The following ELOVL6 variants were observed in gnomAD, a reference collection of about 807,000 sequenced individuals.
ELOVL6 encodes very long chain fatty acid elongase 6.
A neutral mutation model predicts 31.7 loss-of-function variants in ELOVL6; 8 were observed. The observed-to-expected ratio is 0.25, with a 90% CI of 0.15 to 0.45. The LOEUF is 0.45. Among genes scored for constraint, ELOVL6 ranks in the 20% least tolerant of loss-of-function variants. ELOVL6 has a pLI of 1.00. For synonymous variants in ELOVL6, 101 were observed against 117.7 expected (o/e 0.86, Z 0.92); for missense variants, 126 against 326.4 (o/e 0.39, Z 4.73).
intron 2 of ELOVL6, among the ~76,000 whole-genome samples, chr4:110,083,517 T>C (rs1755948829): frequency 6.6e-6 from 1 of 151,610 alleles, no homozygotes. Context: ...CTACAGCTTA[T>C]AGGGCCTTTG....
intron 2 of ELOVL6, among the ~76,000 whole-genome samples, chr4:110,068,644 T>G (rs1755373549): frequency 6.6e-6 from 1 of 152,244 alleles, no homozygotes; most frequent in Non-Finnish European, 1.5e-5. Flanking sequence ...TCTGAACGTT[T>G]CTTAGATAAT....
At chr4:110,123,714 G>C (rs1296805042) in intron 1 of ELOVL6, among the ~76,000 whole-genome samples, 1 of 152,116 alleles carries the variant, frequency 6.6e-6, no homozygotes, top group Non-Finnish European at 1.5e-5. Flanking sequence ...GAATAGCCAA[G>C]GCAAGAACTA....
intron 1 of ELOVL6, among the ~76,000 whole-genome samples, chr4:110,196,469 GTGCATCCAGAGAA>G (rs960329455): frequency 1.1e-4 from 16 of 152,194 alleles, no homozygotes; most frequent in Middle Eastern, 3.2e-3. Context: ...GGAGGAGGAA[GTGCATCCAGAGAA>G]GGACCCCGGG....
Position 110,097,422 on chromosome 4 carries a change from A to G in ELOVL6, c.221+8075T>C, listed in dbSNP as rs552847550. ...TGTCCTTCATCAAGGAAAGAAGCCAACTCCGGCAGTGCTAAGTAAATGGAA... is the reference window on the plus strand; with the variant it reads ...TGTCCTTCATCAAGGAAAGAAGCCAGCTCCGGCAGTGCTAAGTAAATGGAA... On this transcript the variant is annotated intron_variant, in intron 2 of 3. Transcript: ENST00000302274. Among the ~76,000 whole-genome samples, 3 of 152,058 alleles carry G rather than the reference A, an allele frequency of 2.0e-5. No individual in the cohort carries two copies. The South Asian group carries it at 6.3e-4, about 32-fold the overall frequency.
intron 1 of ELOVL6, among the ~76,000 whole-genome samples, chr4:110,169,728 G>C (rs1468413705): frequency 6.6e-6 from 1 of 151,056 alleles, no homozygotes; most frequent in African/African-American, 2.4e-5. Flanking sequence ...AAAAATTTTT[G>C]ATCTAATTTT....
rs1411667699 is a variant in ELOVL6, at chr4:110,084,553, C to G, written c.221+20944G>C. On this transcript the variant is annotated intron_variant, in intron 2 of 3. Coordinates refer to ENST00000302274, the MANE Select transcript of ELOVL6 (RefSeq NM_024090.3). ...ACTTACACACACACACACACACACA[C>G]ACACACACAGATATATATATATATA... 8.8e-3 allele frequency among the ~76,000 whole-genome samples: 501 copies of G among 57,212 alleles called. 11 individuals carry two copies. Among genetic ancestry groups the G allele is most frequent in the East Asian group, 0.024 (32 of 1,320 alleles). The allele number at this position is 57,212 out of a possible 152,430, so 37.5% of individuals were successfully genotyped here.
At chr4:110,148,125 A>AG (rs1472446552) in intron 1 of ELOVL6, among the ~76,000 whole-genome samples, 14 of 151,560 alleles carry the variant, frequency 9.2e-5, no homozygotes, top group Admixed American at 6.6e-4. Flanking sequence ...AAAAAAAAAA[A>AG]AAAAGCCAAA....
intron 2 of ELOVL6, among the ~76,000 whole-genome samples, chr4:110,070,342 T>C (rs998296807): frequency 6.6e-6 from 1 of 152,218 alleles, no homozygotes; most frequent in African/African-American, 2.4e-5. Flanking sequence ...CTGGAATACA[T>C]GTATTCACAG....
intron 1 of ELOVL6, among the ~76,000 whole-genome samples, chr4:110,183,458 G>A (rs943841547): frequency 7.9e-5 from 12 of 152,124 alleles, no homozygotes; most frequent in African/African-American, 2.9e-4. Context: ...CAGCCACCTT[G>A]TGCACATGTT....
Position 110,179,624 on chromosome 4 carries a change from T to C in ELOVL6, c.89+18623A>G, listed in dbSNP as rs187672478. 2.7e-3 allele frequency among the ~76,000 whole-genome samples: 406 copies of C among 152,334 alleles called. 2 individuals carry two copies. The highest frequency in any genetic ancestry group is 0.015 in the South Asian group (72 of 4,828). ...AATTTAAGCTAATATTAAAGACAAC[T>C]AGCAAGCTATTGATGGTCTGGCCTA... On this transcript the variant is annotated intron_variant, in intron 1 of 3. Transcript: ENST00000302274.
intron 1 of ELOVL6, among the ~76,000 whole-genome samples, chr4:110,177,818 G>A (rs1005282902): frequency 1.3e-5 from 2 of 152,122 alleles, no homozygotes; most frequent in Non-Finnish European, 2.9e-5. Flanking sequence ...TCTGTTACTT[G>A]CAGTTGAAAA....
chr4:110,125,701 C>T (rs1320908150), intron 1 of ELOVL6, among the ~76,000 whole-genome samples: 1 of 151,782 alleles, frequency 6.6e-6, no homozygotes, highest in Non-Finnish European at 1.5e-5. Flanking sequence ...GTGGCATACG[C>T]CTGTAGTCCC....
At chr4:110,107,630 C>A (rs998737881) in intron 1 of ELOVL6, among the ~76,000 whole-genome samples, 2 of 152,124 alleles carry the variant, frequency 1.3e-5, no homozygotes, top group Admixed American at 1.3e-4. Context: ...TGCTTTATTT[C>A]TCCTCTGGAA....
chr4:110,195,033 G>GT (rs1759731518), intron 1 of ELOVL6, among the ~76,000 whole-genome samples: 2 of 152,126 alleles, frequency 1.3e-5, no homozygotes, highest in Admixed American at 6.5e-5. Context: ...TCTGAAAAAG[G>GT]TAAGATTTTA....
At chr4:110,134,986 G>A (rs1472099914) in intron 1 of ELOVL6, among the ~76,000 whole-genome samples, 2 of 152,098 alleles carry the variant, frequency 1.3e-5, no homozygotes, top group Non-Finnish European at 2.9e-5. Flanking sequence ...AGGACATAAG[G>A]TGGAAGAGGA....
chr4:110,142,459 G>A (rs1033471932), intron 1 of ELOVL6, among the ~76,000 whole-genome samples: 3 of 152,038 alleles, frequency 2.0e-5, no homozygotes, highest in Non-Finnish European at 4.4e-5. Context: ...TATAAACATT[G>A]CAGACAATCT....
At position 110,150,932 on chromosome 4, in the gene ELOVL6, A is replaced by G. The variant is rs547465216; in HGVS notation, c.90-45304T>C. Among the ~76,000 whole-genome samples the G allele has an allele frequency of 2.0e-5, 3 of 152,226 alleles. No homozygotes were observed. The East Asian group carries it at 5.8e-4, about 29-fold the overall frequency. ...GTGGCACATGCCTGTAATCCCAGCT[A>G]CGCAGGAGGCTGAGGCAGGAAAACT... On this transcript the variant is annotated intron_variant, in intron 1 of 3. Coordinates refer to ENST00000302274, the MANE Select transcript of ELOVL6 (RefSeq NM_024090.3).
chr4:110,178,805 T>G (rs1460513549), intron 1 of ELOVL6, among the ~76,000 whole-genome samples: 1 of 152,114 alleles, frequency 6.6e-6, no homozygotes, highest in African/African-American at 2.4e-5. Flanking sequence ...GCAGCCTCGG[T>G]GACAGAGAGA....
chr4:110,182,900 C>T (rs891188092), intron 1 of ELOVL6, among the ~76,000 whole-genome samples: 6 of 151,830 alleles, frequency 4.0e-5, no homozygotes, highest in African/African-American at 1.5e-4. Flanking sequence ...AAGAACAAAA[C>T]TCCGTCTCAA....
Sources: gnomAD v4.1 joint callset for allele counts (sites outside exome capture counted in the v4.1 genomes callset) on GRCh38, gnomAD v4.1.1 for gene constraint, MANE v1.5 for transcripts, NCBI Gene and HGNC (gene_info 2026-07-23, HGNC 2026-07-21) for gene names.